FBXO15: variants seen among roughly 807,000 people sequenced by gnomAD.
FBXO15 encodes F-box protein 15.
A neutral mutation model predicts 49.5 loss-of-function variants in FBXO15; 30 were observed. The observed-to-expected ratio is 0.61, with a 90% CI of 0.45 to 0.82. The LOEUF is 0.82. FBXO15 is among the 40% of genes least tolerant of loss of function. FBXO15 has a pLI of 0.00. For missense variants in FBXO15, 591 were observed against 631.5 expected (o/e 0.94, Z 0.69); for synonymous variants, 250 against 232.7 (o/e 1.07, Z -0.68).
chr18:74,133,943 G>A (rs1978554326), intron 3 of FBXO15, among the ~76,000 whole-genome samples: 1 of 152,074 alleles, frequency 6.6e-6, no homozygotes, highest in Non-Finnish European at 1.5e-5. Flanking sequence ...TCCAACACTG[G>A]GGATCAAATT....
At chr18:74,124,875 CAGTT>C (rs1196498761) in intron 6 of FBXO15, among the ~76,000 whole-genome samples, 1 of 152,184 alleles carries the variant, frequency 6.6e-6, no homozygotes, top group Non-Finnish European at 1.5e-5. Flanking sequence ...TGAAACTATG[CAGTT>C]AGTTCCAGGC....
intron 8 of FBXO15, among the ~76,000 whole-genome samples, chr18:74,093,270 G>GGT (rs1555676393): frequency 6.6e-6 from 1 of 150,424 alleles, no homozygotes; most frequent in Non-Finnish European, 1.5e-5. Context: ...CAATGGGGGG[G>GGT]GGGTGGCTGC....
intron 8 of FBXO15, among the ~76,000 whole-genome samples, chr18:74,111,372 C>G (rs1914027058): frequency 2.7e-5 from 4 of 150,108 alleles, no homozygotes; most frequent in Admixed American, 2.6e-4. Flanking sequence ...ATATCAATAA[C>G]AGAAAGTTAG....
At chr18:74,094,505 T>C (rs192235587) in intron 8 of FBXO15, among the ~76,000 whole-genome samples, 71 of 152,326 alleles carry the variant, frequency 4.7e-4, no homozygotes, top group African/African-American at 1.5e-3. Context: ...ATATCTTTTC[T>C]TTATAAATTA....
intron 8 of FBXO15, among the ~76,000 whole-genome samples, chr18:74,094,673 G>T (rs1406160063): frequency 6.6e-6 from 1 of 152,182 alleles, no homozygotes; most frequent in African/African-American, 2.4e-5. Flanking sequence ...ATACAGCAGA[G>T]ACAAAGTAGA....
chr18:74,087,796 T>C (rs1428067243), intron 8 of FBXO15, among the ~76,000 whole-genome samples: 1 of 152,226 alleles, frequency 6.6e-6, no homozygotes, highest in Admixed American at 6.5e-5. Context: ...CCAAACTGCT[T>C]TCCACAATGG....
chr18:74,139,940 A>C (rs776482101), intron 2 of FBXO15, among the ~76,000 whole-genome samples: 2 of 152,178 alleles, frequency 1.3e-5, no homozygotes, highest in Non-Finnish European at 2.9e-5. Flanking sequence ...CTCAAAAGTG[A>C]ATATTTTTGA....
chr18:74,120,771 C>T (rs1362381543), intron 8 of FBXO15, among the ~76,000 whole-genome samples: 1 of 151,522 alleles, frequency 6.6e-6, no homozygotes, highest in African/African-American at 2.4e-5. Context: ...ACTAGAAAAA[C>T]AGAAAATTAC....
Position 74,144,679 on chromosome 18 carries a change from T to C in FBXO15, c.116+2991A>G, listed in dbSNP as rs192426401. ...ATCTGTCTTTGTCCTATCATAAAAATGTATTATATTATTTACCAGTTAAAT... is the reference window on the plus strand; with the variant it reads ...ATCTGTCTTTGTCCTATCATAAAAACGTATTATATTATTTACCAGTTAAAT... On this transcript the variant is annotated intron_variant, in intron 1 of 9. Transcript: ENST00000419743. Among the ~76,000 whole-genome samples, 87 of 152,318 alleles carry C rather than the reference T, an allele frequency of 5.7e-4. 1 individual carries two copies. The highest frequency in any genetic ancestry group is 2.1e-3 in the African/African-American group (86 of 41,570).
At chr18:74,125,321 G>A (rs1914659739) in intron 6 of FBXO15, among the ~76,000 whole-genome samples, 1 of 152,210 alleles carries the variant, frequency 6.6e-6, no homozygotes, top group African/African-American at 2.4e-5. Flanking sequence ...AAAAGTGACG[G>A]CCACAGTTGG....
At chr18:74,123,730 T>C (rs1914572448) in intron 7 of FBXO15, among the ~76,000 whole-genome samples, 1 of 152,152 alleles carries the variant, frequency 6.6e-6, no homozygotes, top group Non-Finnish European at 1.5e-5. Flanking sequence ...ATGTGAGTTC[T>C]GTAGGCAGCC....
At chr18:74,079,494 A>C (rs1043159058) in intron 9 of FBXO15, among the ~76,000 whole-genome samples, 1 of 152,194 alleles carries the variant, frequency 6.6e-6, no homozygotes, top group African/African-American at 2.4e-5. Flanking sequence ...TAAGCCACTG[A>C]AATATAGAAG....
chr18:74,132,555 A>G (rs967868869), intron 3 of FBXO15, among the ~76,000 whole-genome samples: 3 of 152,204 alleles, frequency 2.0e-5, no homozygotes, highest in Admixed American at 1.3e-4. Context: ...AAGTGAACCT[A>G]AGTGAAAACA....
At chr18:74,145,593 A>AGTTTTTTTTTTT (rs1568186088) in intron 1 of FBXO15, among the ~76,000 whole-genome samples, 5 of 108,144 alleles carry the variant, frequency 4.6e-5, no homozygotes, top group African/African-American at 1.8e-4. Flanking sequence ...AACCAACTGC[A>AGTTTTTTTTTTT]CTTTTTTTTT....
rs765884442 is a variant in FBXO15 at position 74,140,258 on chromosome 18, G to A, written c.171C>T (p.Ala57=). The A allele has an allele frequency of 1.1e-4, 164 of 1,551,392 alleles. No individual in the cohort carries two copies. The highest frequency in any genetic ancestry group is 3.3e-4 in the Middle Eastern group (2 of 6,014). Residue 57 remains alanine (A), a synonymous_variant, in exon 2 of 10, where the codon GCC becomes GCT. Transcript: ENST00000419743. ...SAGSAALRCH[A]GGGQHWESSF... Reference sequence around the variant, plus strand: ...AGCTCTCCCAGTGCTGTCCACCTCCGGCATGGCACCTCAGGGCAGCAGAGC... The same window carrying A: ...AGCTCTCCCAGTGCTGTCCACCTCCAGCATGGCACCTCAGGGCAGCAGAGC...
chr18:74,107,797 A>C (rs1568167363), intron 8 of FBXO15, among the ~76,000 whole-genome samples: 1 of 152,166 alleles, frequency 6.6e-6, no homozygotes. Flanking sequence ...GGGAAAGGTA[A>C]CACCAAAATG....
At chr18:74,106,729 G>T (rs548668680) in intron 8 of FBXO15, among the ~76,000 whole-genome samples, 2 of 152,140 alleles carry the variant, frequency 1.3e-5, no homozygotes, top group African/African-American at 4.8e-5. Context: ...TAACATTCAG[G>T]CATATGGAAA....
intron 8 of FBXO15, chr18:74,122,816 G>C (rs1472200393): frequency 6.6e-6 from 1 of 152,272 alleles, no homozygotes; most frequent in Admixed American, 6.5e-5. Context: ...GGCTACAGTA[G>C]AATGAAACCA....
intron 5 of FBXO15, among the ~76,000 whole-genome samples, chr18:74,126,988 C>T (rs1457895642): frequency 6.6e-6 from 1 of 152,190 alleles, no homozygotes; most frequent in Non-Finnish European, 1.5e-5. Flanking sequence ...ATGCAGAATA[C>T]ACTTGGAGGA....
Sources: gnomAD v4.1 joint callset for allele counts (sites outside exome capture counted in the v4.1 genomes callset) on GRCh38, gnomAD v4.1.1 for gene constraint, MANE v1.5 for transcripts, NCBI Gene and HGNC (gene_info 2026-07-23, HGNC 2026-07-21) for gene names.